The following C5orf24 variants were observed in gnomAD, a reference collection of about 807,000 sequenced individuals.
C5orf24 encodes UPF0461 protein C5orf24.
C5orf24 carries 4 observed loss-of-function variants against 9.8 expected under a neutral mutation model. The ratio of observed to expected loss-of-function variants is 0.41; its 90% confidence interval spans 0.20 to 0.93. C5orf24 has a LOEUF of 0.93. C5orf24 is among the 40% of genes least tolerant of loss of function. The probability of loss-of-function intolerance (pLI) is 0.33; values close to 1 mark genes in which losing one functional copy is unlikely to be tolerated. For synonymous variants in C5orf24, 73 were observed against 81.3 expected (o/e 0.90, Z 0.55); for missense variants, 170 against 236.9 (o/e 0.72, Z 1.85).
the C5orf24 span, among the ~76,000 whole-genome samples, chr5:134,839,265 C>A: frequency 6.6e-6 from 1 of 151,562 alleles, no homozygotes; most frequent in African/African-American, 2.4e-5. Context: ...ATTCTTGTTG[C>A]ACTTAACACC....
upstream of C5orf24, among the ~76,000 whole-genome samples, chr5:134,844,104 G>A (rs191528191): frequency 2.5e-3 from 381 of 152,160 alleles, 3 homozygotes; most frequent in Non-Finnish European, 4.4e-3. Flanking sequence ...TTTCTTAAAT[G>A]TTTTTATGTA....
chr5:134,844,953 G>C (rs530764311), upstream of C5orf24, among the ~76,000 whole-genome samples: 6 of 152,068 alleles, frequency 3.9e-5, no homozygotes, highest in African/African-American at 1.4e-4. Flanking sequence ...AGTCAGGCTT[G>C]TTTCGAACTC....
chr5:134,853,771 GATAAATACACCTTACAAAT>G (rs1756233329), intron 1 of C5orf24, among the ~76,000 whole-genome samples: 1 of 152,046 alleles, frequency 6.6e-6, no homozygotes, highest in Non-Finnish European at 1.5e-5. Flanking sequence ...TTTTTGTCTT[GATAAATACACCTTACAAAT>G]AGGAGGTATT....
rs1756339917 is a variant in C5orf24, at chr5:134,857,296, C to G, written c.*1829C>G. The G allele has an allele frequency of 3.4e-5, 50 of 1,486,164 alleles. 1 individual carries two copies. In the South Asian group the frequency reaches 6.1e-4, roughly 18 times the overall value. 92.1% of individuals were successfully genotyped at this position (1,486,164 alleles called of 1,614,324 possible). On this transcript the variant is annotated 3_prime_UTR_variant, in exon 2 of 2. Transcript: ENST00000394976. ...AAGAGCACATGTTGTGTTTTTTGGG[C>G]TTGCTATTAATGCAAACTCTGATTG... is the stretch of plus-strand genomic sequence containing the variant.
chr5:134,847,603 A>G lies in C5orf24; in HGVS notation c.-4+1391A>G, dbSNP rs377031259. 9.2e-5 allele frequency among the ~76,000 whole-genome samples: 14 copies of G among 151,930 alleles called. No homozygotes were observed. In the East Asian group the frequency reaches 1.7e-3, roughly 19 times the overall value. ...GCCACTGCACCCGGCTTCAGTAACT[A>G]TTTAAAAAGATGATCTTTAACCTTT... On this transcript the variant is annotated intron_variant, in intron 1 of 1. Coordinates refer to ENST00000394976, the MANE Select transcript of C5orf24 (RefSeq NM_001135586.1).
chr5:134,844,778 C>T (rs994794299), upstream of C5orf24, among the ~76,000 whole-genome samples: 8 of 152,096 alleles, frequency 5.3e-5, no homozygotes, highest in African/African-American at 1.7e-4. Flanking sequence ...CTCGTTCTGT[C>T]CCAGGCTGGA....
chr5:134,852,865 C>A (rs539069570), intron 1 of C5orf24, among the ~76,000 whole-genome samples: 2 of 152,112 alleles, frequency 1.3e-5, no homozygotes, highest in East Asian at 3.9e-4. Context: ...GGAGAAACCT[C>A]ATTTCTATTA....
chr5:134,849,617 C>T (rs1756099096), intron 1 of C5orf24, among the ~76,000 whole-genome samples: 1 of 149,726 alleles, frequency 6.7e-6, no homozygotes, highest in South Asian at 2.1e-4. Context: ...CATACAGAAG[C>T]CCTGCACTTC....
the C5orf24 span, among the ~76,000 whole-genome samples, chr5:134,834,744 C>CT: frequency 6.6e-6 from 1 of 151,920 alleles, no homozygotes; most frequent in African/African-American, 2.4e-5. Flanking sequence ...TGGTGCAACT[C>CT]TGTCTCTATC....
rs758481757 is a variant in C5orf24 at position 134,855,194 on chromosome 5, A to G, written c.294A>G (p.Lys98=). ...GKRGRPSGTT[K]SAGYRTSTGR... is the part of the protein sequence containing the mutation. ...GTGGCCGGCCTTCGGGAACCACCAA[A>G]TCAGCAGGATACCGGACCAGCACAG... The change falls in exon 2 of 2, where the codon AAA becomes AAG. Residue 98 remains lysine, a synonymous_variant. Coordinates refer to ENST00000394976, the MANE Select transcript of C5orf24 (RefSeq NM_001135586.1). The G allele has an allele frequency of 1.9e-6, 3 of 1,614,164 alleles. No homozygotes were observed. Among genetic ancestry groups the G allele is most frequent in the Non-Finnish European group, 1.7e-6 (2 of 1,180,030 alleles).
At chr5:134,852,216 A>T (rs1331204000) in intron 1 of C5orf24, among the ~76,000 whole-genome samples, 1 of 152,262 alleles carries the variant, frequency 6.6e-6, no homozygotes, top group Non-Finnish European at 1.5e-5. Context: ...CTGGGATCAC[A>T]GGCGTGAGCC....
chr5:134,845,177 T>A (rs901584507), upstream of C5orf24, among the ~76,000 whole-genome samples: 9 of 152,172 alleles, frequency 5.9e-5, no homozygotes, highest in African/African-American at 2.2e-4. Context: ...AAAAGTTGTT[T>A]CTCCTCCTTT....
Position 134,847,677 on chromosome 5 carries a change from C to T in C5orf24, c.-4+1465C>T, listed in dbSNP as rs533555201. Among the ~76,000 whole-genome samples the T allele has an allele frequency of 3.3e-5, 5 of 151,436 alleles. No homozygotes were observed. In the South Asian group the frequency reaches 1.0e-3, roughly 32 times the overall value. On this transcript the variant is annotated intron_variant, in intron 1 of 1. Transcript: ENST00000394976. Reference sequence around the variant, plus strand: ...TAACTCTTGGCTTCTATTCAGTCCACGCTGTCTGGAAATGTAGTATTCATC... The same window carrying T: ...TAACTCTTGGCTTCTATTCAGTCCATGCTGTCTGGAAATGTAGTATTCATC...
rs1304008927 is a variant in C5orf24 at position 134,851,127 on chromosome 5, C to G, written c.-3-3771C>G. On this transcript the variant is annotated intron_variant, in intron 1 of 1. Transcript: ENST00000394976. Reference sequence around the variant, plus strand: ...ATTTTTAGTAGAAACAGGGTTTTGCCATTTTGGCCAAGCTGGTCTTGAACT... The same window carrying G: ...ATTTTTAGTAGAAACAGGGTTTTGCGATTTTGGCCAAGCTGGTCTTGAACT... Among the ~76,000 whole-genome samples the G allele has an allele frequency of 2.0e-5, 3 of 151,270 alleles. No homozygotes were observed. In the East Asian group the frequency reaches 5.8e-4, roughly 29 times the overall value.
chr5:134,848,772 C>G (rs1174046983), intron 1 of C5orf24, among the ~76,000 whole-genome samples: 1 of 147,672 alleles, frequency 6.8e-6, no homozygotes, highest in Non-Finnish European at 1.5e-5. Context: ...ACCAGCCTGA[C>G]TAACATGGTG....
upstream of C5orf24, among the ~76,000 whole-genome samples, chr5:134,841,755 C>T (rs1755896521): frequency 6.6e-6 from 1 of 152,166 alleles, no homozygotes; most frequent in Non-Finnish European, 1.5e-5. Flanking sequence ...GCATTTGTCA[C>T]TTTCATTGAC....
chr5:134,856,208 C>T lies in C5orf24; in HGVS notation c.*741C>T. 3 of 993,504 alleles carry T rather than the reference C, an allele frequency of 3.0e-6. No individual in the cohort carries two copies. Among genetic ancestry groups the T allele is most frequent in the African/African-American group, 1.7e-5 (1 of 57,186 alleles). The allele number at this position is 993,504 out of a possible 1,614,324, so 61.5% of individuals were successfully genotyped here. On this transcript the variant is annotated 3_prime_UTR_variant, in exon 2 of 2. Coordinates refer to ENST00000394976, the MANE Select transcript of C5orf24 (RefSeq NM_001135586.1). ...GAAAATTTAAACTATTTTATAAAAA[C>T]TGCACATTACATTTTTGGTGAAATA...
the C5orf24 span, among the ~76,000 whole-genome samples, chr5:134,837,307 A>AT: frequency 2.0e-5 from 3 of 152,220 alleles, no homozygotes; most frequent in African/African-American, 7.2e-5. Context: ...AAATTCAGAT[A>AT]TAATATGTAC....
Position 134,857,119 on chromosome 5 carries a change from T to A in C5orf24, c.*1652T>A. 8.0e-7 allele frequency: 1 copy of A among 1,246,084 alleles called. No individual in the cohort carries two copies. The highest frequency in any genetic ancestry group is 1.0e-6 in the Non-Finnish European group (1 of 980,666). 77.2% of individuals were successfully genotyped at this position (1,246,084 alleles called of 1,614,324 possible). A position where few individuals can be genotyped will look rare whatever the true frequency, so the allele number is the denominator to read the frequency against. ...CTTGTTACACATTTTATTTATTGAGTTTGTTCTAAATAAAATATTATAAAC... is the reference window on the plus strand; with the variant it reads ...CTTGTTACACATTTTATTTATTGAGATTGTTCTAAATAAAATATTATAAAC... On this transcript the variant is annotated 3_prime_UTR_variant, in exon 2 of 2. Coordinates refer to ENST00000394976, the MANE Select transcript of C5orf24 (RefSeq NM_001135586.1).
Sources: allele counts gnomAD v4.1 joint callset (sites outside exome capture counted in the v4.1 genomes callset), GRCh38; gene constraint gnomAD v4.1.1; transcripts MANE v1.5; gene names NCBI Gene and HGNC (gene_info 2026-07-23, HGNC 2026-07-21).